ADGRE2: variants seen among roughly 807,000 people sequenced by gnomAD.
ADGRE2 encodes CD97 antigen.
In ADGRE2, 83 loss-of-function variants were observed where a neutral mutation model predicts 100.8. The observed-to-expected ratio is 0.82, with a 90% CI of 0.69 to 0.99. ADGRE2 has a LOEUF of 0.99. Among genes scored for constraint, ADGRE2 ranks in the 50% least tolerant of loss-of-function variants. The probability of loss-of-function intolerance (pLI) is 0.00; values close to 1 mark genes in which losing one functional copy is unlikely to be tolerated. For synonymous variants in ADGRE2, 355 were observed against 413.0 expected, an observed-to-expected ratio of 0.86 and a Z score of 1.70; for missense variants, 814 against 1,035.7, an observed-to-expected ratio of 0.79 and a Z score of 2.94.
At chr19:14,728,541 T>G (rs539182533), downstream of ADGRE2, among the ~76,000 whole-genome samples, 1 of 152,210 alleles carries the variant, frequency 6.6e-6, no homozygotes, top group African/African-American at 2.4e-5. Context: ...ACATCACTTA[T>G]AAATGTATTC....
At chr19:14,736,837 A>AT (rs2042766128) in intron 20 of ADGRE2, among the ~76,000 whole-genome samples, 1 of 145,608 alleles carries the variant, frequency 6.9e-6, no homozygotes, top group Non-Finnish European at 1.5e-5. Flanking sequence ...GATATTTAAT[A>AT]TCTATATATT....
At chr19:14,767,713 C>T (rs2044044864) in intron 5 of ADGRE2, among the ~76,000 whole-genome samples, 1 of 152,202 alleles carries the variant, frequency 6.6e-6, no homozygotes, top group African/African-American at 2.4e-5. Context: ...GGACAAAGGT[C>T]AGGGTGGGAT....
intron 16 of ADGRE2, among the ~76,000 whole-genome samples, chr19:14,750,586 A>C (rs962767485): frequency 2.6e-5 from 4 of 152,094 alleles, no homozygotes; most frequent in African/African-American, 9.7e-5. Context: ...CAAACAAACA[A>C]ACTAGCTAGA....
intron 16 of ADGRE2, among the ~76,000 whole-genome samples, chr19:14,748,119 C>T (rs191709559): frequency 1.3e-5 from 2 of 152,162 alleles, no homozygotes; most frequent in East Asian, 3.9e-4. Flanking sequence ...TATTTATCCT[C>T]GCCCTCCTCC....
chr19:14,749,488 T>TTAGTTATGTAATACAATTATTTA (rs2043201957), intron 16 of ADGRE2, among the ~76,000 whole-genome samples: 1 of 80,872 alleles, frequency 1.2e-5, no homozygotes, highest in African/African-American at 5.3e-5. Flanking sequence ...ATATAATTAT[T>TTAGTTATGTAATACAATTATTTA]TAGTTATGTA....
At chr19:14,761,793 C>T (rs1422747117) in intron 11 of ADGRE2, among the ~76,000 whole-genome samples, 1 of 152,146 alleles carries the variant, frequency 6.6e-6, no homozygotes, top group Non-Finnish European at 1.5e-5. Context: ...CAGCCAGCTT[C>T]CCTGCACCTT....
chr19:14,775,466 T>C (rs887917375), intron 2 of ADGRE2, among the ~76,000 whole-genome samples: 1 of 152,096 alleles, frequency 6.6e-6, no homozygotes, highest in African/African-American at 2.4e-5. Context: ...GAAAGGGCCA[T>C]GAGCCTGGTG....
At chr19:14,741,763 G>A in intron 20 of ADGRE2, 1 of 305,560 alleles carries the variant, frequency 3.3e-6, no homozygotes, top group Non-Finnish European at 5.9e-6. Context: ...GGGATTACAG[G>A]CATGAGTCAC....
At position 14,741,988 on chromosome 19, in the gene ADGRE2, A is replaced by G. The variant is rs1157235832; in HGVS notation, c.2463+1432T>C. On this transcript the variant is annotated intron_variant, in intron 20 of 20. Coordinates refer to ENST00000315576, the MANE Select transcript of ADGRE2 (RefSeq NM_013447.4). ...CCATGCCATTGAGGCATAGGATAAT[A>G]TGGCTTCAAGTGATCCCCAAGTTGT... 2.5e-5 allele frequency: 10 copies of G among 398,476 alleles called. No homozygotes were observed. The South Asian group carries it at 3.8e-4, about 15-fold the overall frequency. 24.7% of individuals were successfully genotyped at this position (398,476 alleles called of 1,614,324 possible). A position where few individuals can be genotyped will look rare whatever the true frequency, so the allele number is the denominator to read the frequency against.
Position 14,765,665 on chromosome 19 carries a change from G to C in ADGRE2, c.774C>G (p.Val258=). 1.2e-6 allele frequency: 2 copies of C among 1,613,138 alleles called. No individual in the cohort carries two copies. Among genetic ancestry groups the C allele is most frequent in the Non-Finnish European group, 8.5e-7 (1 of 1,179,422 alleles). The stretch of plus-strand genomic sequence containing the variant: ...TCTAGGGCCAGGTCATACCTTCACA[G>C]ACAGTGTCCTTTTGGTTATTCGGGA... ...HGIPNNQKDT[V]CEDMTFSTWT... The change falls in exon 8 of 21, where the codon GTC becomes GTG. Residue 258 remains valine, a synonymous_variant. Coordinates refer to ENST00000315576, the MANE Select transcript of ADGRE2 (RefSeq NM_013447.4).
intron 20 of ADGRE2, among the ~76,000 whole-genome samples, chr19:14,739,301 A>G (rs2042854845): frequency 6.6e-6 from 1 of 152,168 alleles, no homozygotes; most frequent in Non-Finnish European, 1.5e-5. Flanking sequence ...ACCAGAGATA[A>G]CAAGTTTTAG....
intron 7 of ADGRE2, 105 bp from the exon 8 acceptor site, chr19:14,765,909 G>A: frequency 3.1e-6 from 5 of 1,597,628 alleles, no homozygotes; most frequent in Non-Finnish European, 4.3e-6. Flanking sequence ...GCCCCCCTTG[G>A]AGAGGTGGAC....
At chr19:14,726,220 G>A in the ADGRE2 span, among the ~76,000 whole-genome samples, 3 of 152,214 alleles carry the variant, frequency 2.0e-5, no homozygotes, top group African/African-American at 7.2e-5. Context: ...CTGGAACGTG[G>A]AGAATGGTGT....
At chr19:14,743,822 G>A in intron 18 of ADGRE2, 38 bp from the exon 19 acceptor site, 1 of 1,600,062 alleles carries the variant, frequency 6.2e-7, no homozygotes, top group Non-Finnish European at 8.5e-7. Context: ...GATGCACCCA[G>A]AGAAAGAGAA....
At chr19:14,763,321 C>T (rs955991520) in intron 11 of ADGRE2, among the ~76,000 whole-genome samples, 2 of 151,828 alleles carry the variant, frequency 1.3e-5, no homozygotes, top group South Asian at 4.2e-4. Context: ...CCAGCCTGGG[C>T]GACAGAGTGA....
intron 2 of ADGRE2, 160 bp downstream of exon 2, chr19:14,776,566 C>T: frequency 1.2e-6 from 1 of 825,018 alleles, no homozygotes. Flanking sequence ...GCACCACCAG[C>T]CCCTCTCGCC....
At chr19:14,761,007 C>T (rs148113394) in intron 11 of ADGRE2, among the ~76,000 whole-genome samples, 126 of 152,252 alleles carry the variant, frequency 8.3e-4, no homozygotes, top group Middle Eastern at 3.4e-3. Flanking sequence ...TGGAAGCACC[C>T]GCCCCACACC....
chr19:14,755,784 A>G lies in ADGRE2; in HGVS notation c.1286T>C (p.Leu429Pro), dbSNP rs770257669. ...LVLEPEKQMLLHETHQGLLQD... is the reference protein window; with the variant it reads ...LVLEPEKQMLPHETHQGLLQD... The stretch of plus-strand genomic sequence containing the variant: ...CAGCAAGCCCTGGTGTGTCTCATGC[A>G]GAAGCATCTGCTTCTCAGGTTCCAG... Residue 429 changes from leucine to proline, a missense_variant, in exon 13 of 21, where the codon CTG becomes CCG. Leu to Pro is a moderately conservative substitution (Grantham distance 98). Coordinates refer to ENST00000315576, the MANE Select transcript of ADGRE2 (RefSeq NM_013447.4). The G allele has an allele frequency of 5.0e-6, 8 of 1,614,076 alleles. No individual in the cohort carries two copies. In the East Asian group the frequency reaches 1.8e-4, roughly 36 times the overall value.
At chr19:14,736,668 A>ATC (rs1283384818) in intron 20 of ADGRE2, among the ~76,000 whole-genome samples, 4 of 144,476 alleles carry the variant, frequency 2.8e-5, no homozygotes, top group Non-Finnish European at 4.5e-5. Context: ...ATTTCTAAAT[A>ATC]TATATATTTA....
Sources: gnomAD v4.1 joint callset for allele counts (sites outside exome capture counted in the v4.1 genomes callset) on GRCh38, gnomAD v4.1.1 for gene constraint, MANE v1.5 for transcripts, NCBI Gene and HGNC (gene_info 2026-07-23, HGNC 2026-07-21) for gene names.